RUNX2: variants seen among roughly 807,000 people sequenced by gnomAD.
RUNX2 encodes the protein RUNX family transcription factor 2, also known as runt-related transcription factor 2.
In RUNX2, 10 loss-of-function variants were observed where a neutral mutation model predicts 51.7. The ratio of observed to expected loss-of-function variants is 0.19; its 90% confidence interval spans 0.12 to 0.33. The LOEUF (loss-of-function observed/expected upper bound fraction) is 0.33, where lower values mean the gene tolerates loss of function less well. Among genes scored for constraint, RUNX2 ranks in the 10% least tolerant of loss-of-function variants. RUNX2 has a pLI of 1.00. For missense variants in RUNX2, 562 were observed against 691.3 expected, an observed-to-expected ratio of 0.81 and a Z score of 2.10; for synonymous variants, 276 against 273.6, an observed-to-expected ratio of 1.01 and a Z score of -0.09.
intron 2 of RUNX2, among the ~76,000 whole-genome samples, chr6:45,379,826 G>A (rs1485971593): frequency 2.0e-5 from 3 of 151,928 alleles, no homozygotes; most frequent in African/African-American, 7.2e-5. Flanking sequence ...AGATCACGCC[G>A]CTGCTCTCCA....
chr6:45,388,330 A>G (rs1036709236), intron 2 of RUNX2, among the ~76,000 whole-genome samples: 2 of 152,224 alleles, frequency 1.3e-5, no homozygotes, highest in African/African-American at 4.8e-5. Flanking sequence ...ATGAGGTGAT[A>G]AAGTTTTGTT....
At chr6:45,391,887 C>G (rs1213632029) in intron 2 of RUNX2, among the ~76,000 whole-genome samples, 1 of 152,162 alleles carries the variant, frequency 6.6e-6, no homozygotes. Context: ...CTAAATGTAT[C>G]ACACACTATG....
At chr6:45,335,179 ACTTT>A (rs1298578212) in intron 2 of RUNX2, among the ~76,000 whole-genome samples, 2 of 151,300 alleles carry the variant, frequency 1.3e-5, no homozygotes, top group Non-Finnish European at 3.0e-5. Context: ...GCTAGAATTA[ACTTT>A]CTTTTTAAAT....
chr6:45,510,472 TAAAC>T (rs1013026435), intron 6 of RUNX2, among the ~76,000 whole-genome samples: 1 of 152,136 alleles, frequency 6.6e-6, no homozygotes, highest in African/African-American at 2.4e-5. Context: ...ATTGAACAAA[TAAAC>T]AAGAAATAGC....
chr6:45,437,002 A>T (rs1051341789), intron 4 of RUNX2, among the ~76,000 whole-genome samples: 55 of 152,324 alleles, frequency 3.6e-4, no homozygotes, highest in Middle Eastern at 3.4e-3. Context: ...AACAGTTTGC[A>T]GTTTTGACTA....
At position 45,492,029 on chromosome 6, in the gene RUNX2, A is replaced by T; in HGVS notation, c.774A>T (p.Arg258Ser). The T allele has an allele frequency of 6.2e-7, 1 of 1,613,964 alleles. No homozygotes were observed. Among genetic ancestry groups the T allele is most frequent in the Non-Finnish European group, 8.5e-7 (1 of 1,179,950 alleles). ...DLGRIPHPSMRVGVPPQNPRP... is the reference protein window; with the variant it reads ...DLGRIPHPSMSVGVPPQNPRP... ...GGCGCATTCCTCATCCCAGTATGAG[A>T]GTAGGTGTCCCGCCTCAGAACCCAC... The change falls in exon 6 of 9, where the codon AGA becomes AGT. Residue 258 changes from arginine to serine, a missense_variant. Arg to Ser is a moderately radical substitution (Grantham distance 110). Transcript: ENST00000647337.
intron 2 of RUNX2, among the ~76,000 whole-genome samples, chr6:45,386,974 A>G (rs147961547): frequency 6.6e-6 from 1 of 152,248 alleles, no homozygotes; most frequent in Non-Finnish European, 1.5e-5. Flanking sequence ...GACAGGTTGG[A>G]AGGGTGAAAA....
intron 2 of RUNX2, among the ~76,000 whole-genome samples, chr6:45,384,513 G>A (rs1426233712): frequency 2.0e-5 from 3 of 151,962 alleles, no homozygotes; most frequent in East Asian, 1.9e-4. Context: ...TTGAACTCCT[G>A]GCCTCAAGTG....
chr6:45,352,268 T>C (rs947869148), intron 2 of RUNX2, among the ~76,000 whole-genome samples: 2 of 152,064 alleles, frequency 1.3e-5, no homozygotes, highest in East Asian at 1.9e-4. Context: ...CAATAAAAAA[T>C]ATGAACCAAG....
chr6:45,447,366 G>T (rs1462708615), intron 5 of RUNX2, among the ~76,000 whole-genome samples: 1 of 151,970 alleles, frequency 6.6e-6, no homozygotes, highest in Non-Finnish European at 1.5e-5. Context: ...AGAGTTTTAG[G>T]GTTCTGTATT....
chr6:45,537,438 C>T (rs144844300), intron 7 of RUNX2, among the ~76,000 whole-genome samples: 18 of 152,284 alleles, frequency 1.2e-4, no homozygotes, highest in Middle Eastern at 3.4e-3. Flanking sequence ...TCTGTAACTT[C>T]GACGAAATCA....
intron 7 of RUNX2, among the ~76,000 whole-genome samples, chr6:45,520,446 T>A (rs1801470695): frequency 6.6e-6 from 1 of 152,200 alleles, no homozygotes; most frequent in South Asian, 2.1e-4. Flanking sequence ...AAAATAACAA[T>A]ACAGTTATGT....
At chr6:45,358,892 G>C (rs558151083) in intron 2 of RUNX2, among the ~76,000 whole-genome samples, 23 of 152,202 alleles carry the variant, frequency 1.5e-4, no homozygotes, top group African/African-American at 5.3e-4. Context: ...AATTAGTTCA[G>C]AACAGAGACT....
At chr6:45,527,018 A>C (rs946711768) in intron 7 of RUNX2, among the ~76,000 whole-genome samples, 1 of 152,340 alleles carries the variant, frequency 6.6e-6, no homozygotes, top group African/African-American at 2.4e-5. Context: ...GATATGTACT[A>C]TGAAAGAAGT....
intron 2 of RUNX2, among the ~76,000 whole-genome samples, chr6:45,413,591 T>C (rs4413614): frequency 0.083 from 12,647 of 151,810 alleles, 717 homozygotes; most frequent in South Asian, 0.18. Context: ...CTACCACACC[T>C]GGCTAATTTT....
chr6:45,508,010 C>A (rs1801024312), intron 6 of RUNX2, among the ~76,000 whole-genome samples: 1 of 152,026 alleles, frequency 6.6e-6, no homozygotes, highest in African/African-American at 2.4e-5. Context: ...GATGAGGAAA[C>A]TTTAATCTTA....
chr6:45,328,468 C>T lies in RUNX2; in HGVS notation c.-67+8C>T, dbSNP rs760197258. ...CCGAGACCAACAGAGTCAGTGAGTG[C>T]TCTCTAACCACAGTCTATGCAGTAA... On this transcript the variant is annotated splice_region_variant and intron_variant, in intron 1 of 8. Coordinates refer to ENST00000647337, the MANE Select transcript of RUNX2 (RefSeq NM_001024630.4). 6.8e-7 allele frequency: 1 copy of T among 1,477,152 alleles called. No individual in the cohort carries two copies. The highest frequency in any genetic ancestry group is 1.8e-5 in the Admixed American group (1 of 55,756). The allele number at this position is 1,477,152 out of a possible 1,614,324, so 91.5% of individuals were successfully genotyped here.
intron 5 of RUNX2, among the ~76,000 whole-genome samples, chr6:45,452,968 A>T (rs750443381): frequency 9.2e-5 from 14 of 152,140 alleles, no homozygotes; most frequent in Non-Finnish European, 1.6e-4. Flanking sequence ...GTGGAGAACC[A>T]CCCACAGTTG....
intron 5 of RUNX2, among the ~76,000 whole-genome samples, chr6:45,484,419 G>C (rs973874276): frequency 6.6e-6 from 1 of 152,192 alleles, no homozygotes; most frequent in Non-Finnish European, 1.5e-5. Flanking sequence ...CAAGAGTATA[G>C]GTCTTTGATT....
Sources: allele counts gnomAD v4.1 joint callset (sites outside exome capture counted in the v4.1 genomes callset), GRCh38; gene constraint gnomAD v4.1.1; transcripts MANE v1.5; gene names NCBI Gene and HGNC (gene_info 2026-07-23, HGNC 2026-07-21).